Variants in MAPK6 observed in about 807,000 individuals in gnomAD.
MAPK6 encodes the protein mitogen-activated protein kinase 6.
A neutral mutation model predicts 59.3 loss-of-function variants in MAPK6; 19 were observed. That is an observed-to-expected ratio of 0.32 (90% CI 0.22 to 0.47). The LOEUF is 0.47. MAPK6 is among the 20% of genes least tolerant of loss of function. The probability of loss-of-function intolerance (pLI) is 1.00; values close to 1 mark genes in which losing one functional copy is unlikely to be tolerated. For synonymous variants in MAPK6, 316 were observed against 290.3 expected, an observed-to-expected ratio of 1.09 and a Z score of -0.90; for missense variants, 724 against 847.9, an observed-to-expected ratio of 0.85 and a Z score of 1.81.
Position 52,046,494 on chromosome 15 carries a change from C to T in MAPK6, c.34C>T (p.His12Tyr). 1 of 1,608,934 alleles carries T rather than the reference C, an allele frequency of 6.2e-7. No individual in the cohort carries two copies. Among genetic ancestry groups the T allele is most frequent in the Non-Finnish European group, 8.5e-7 (1 of 1,178,430 alleles). The change falls in exon 2 of 6, where the codon CAT (histidine) becomes TAT (tyrosine). Residue 12 changes from histidine (H) to tyrosine (Y), a missense_variant. Physicochemically the swap from His to Tyr is moderately conservative, Grantham distance 83. This residue lies in a region of MAPK6 where 30 missense variants were observed against 55.3 expected (regional missense o/e 0.54). Transcript: ENST00000261845. Reference protein sequence around the residue: ...AEKFESLMNIHGFDLGSRYMD... With the variant: ...AEKFESLMNIYGFDLGSRYMD... The stretch of plus-strand genomic sequence containing the variant: ...GAAATTTGAAAGTCTCATGAACATT[C>T]ATGGTTTTGATCTGGGTTCTAGGTA...
chr15:52,041,737 A>G (rs1384672329), intron 1 of MAPK6, among the ~76,000 whole-genome samples: 1 of 152,148 alleles, frequency 6.6e-6, no homozygotes, highest in African/African-American at 2.4e-5. Context: ...TTTTCTTTCT[A>G]AGGTCACTAG....
At chr15:52,022,280 A>G (rs2030565804) in intron 1 of MAPK6, among the ~76,000 whole-genome samples, 1 of 152,182 alleles carries the variant, frequency 6.6e-6, no homozygotes, top group African/African-American at 2.4e-5. Flanking sequence ...TGTTTTTGTG[A>G]GACAGGGTCT....
At chr15:51,973,897 C>G (rs1358390856) in intron 1 of MAPK6, among the ~76,000 whole-genome samples, 2 of 151,812 alleles carry the variant, frequency 1.3e-5, no homozygotes, top group Non-Finnish European at 2.9e-5. Flanking sequence ...GGTGATCCAC[C>G]CGCCTTGGCC....
At chr15:52,009,001 GC>G (rs2029983458) in intron 3 of MAPK6, among the ~76,000 whole-genome samples, 2 of 152,180 alleles carry the variant, frequency 1.3e-5, no homozygotes, top group Non-Finnish European at 2.9e-5. Flanking sequence ...GACCTACTAA[GC>G]CTACCATATG....
intron 2 of MAPK6, among the ~76,000 whole-genome samples, chr15:51,984,802 T>G (rs1286425344): frequency 6.6e-6 from 1 of 152,044 alleles, no homozygotes; most frequent in African/African-American, 2.4e-5. Context: ...TGGGAAGAGA[T>G]CTACACAATC....
chr15:52,048,666 TG>T (rs1837226940), intron 2 of MAPK6, among the ~76,000 whole-genome samples: 1 of 151,886 alleles, frequency 6.6e-6, no homozygotes, highest in African/African-American at 2.4e-5. Context: ...CGGTGGCCCC[TG>T]CCTGTAATCT....
At chr15:51,972,340 T>C (rs1013972023) in intron 1 of MAPK6, among the ~76,000 whole-genome samples, 1 of 151,744 alleles carries the variant, frequency 6.6e-6, no homozygotes, top group Non-Finnish European at 1.5e-5. Context: ...GGTTTCACCG[T>C]GTTGCCCAGG....
chr15:51,994,964 A>G (rs1595960790), intron 2 of MAPK6, among the ~76,000 whole-genome samples: 2 of 152,358 alleles, frequency 1.3e-5, no homozygotes, highest in East Asian at 3.9e-4. Flanking sequence ...TCATTTCTGA[A>G]CATTGCTGAT....
chr15:52,059,246 G>A (rs961350855), intron 4 of MAPK6, among the ~76,000 whole-genome samples: 2 of 152,146 alleles, frequency 1.3e-5, no homozygotes, highest in Admixed American at 6.5e-5. Context: ...TGTAGCCACT[G>A]TCACAACATC....
At chr15:51,995,043 A>AT (rs2057220619) in intron 2 of MAPK6, among the ~76,000 whole-genome samples, 1 of 152,238 alleles carries the variant, frequency 6.6e-6, no homozygotes, top group African/African-American at 2.4e-5. Flanking sequence ...ATGATGGGGC[A>AT]TTTTCACAGT....
At chr15:52,005,140 C>T (rs2057254346) in intron 3 of MAPK6, among the ~76,000 whole-genome samples, 1 of 152,120 alleles carries the variant, frequency 6.6e-6, no homozygotes, top group Non-Finnish European at 1.5e-5. Context: ...AACAAAACCC[C>T]CCAAATAAGT....
upstream of MAPK6, chr15:52,017,534 T>C (rs1051519913): frequency 6.6e-6 from 1 of 152,546 alleles, no homozygotes; most frequent in Non-Finnish European, 1.5e-5. Flanking sequence ...GTCATCTGGA[T>C]GTATATGTGC....
intron 1 of MAPK6, among the ~76,000 whole-genome samples, chr15:52,024,901 TTAA>T (rs2030702936): frequency 1.4e-5 from 2 of 144,472 alleles, no homozygotes; most frequent in African/African-American, 2.7e-5. Context: ...TTTTTTTTTT[TTAA>T]GAATTGGAGT....
At chr15:52,061,150 G>A in intron 4 of MAPK6, 149 bp from the exon 5 acceptor site, 1 of 624,802 alleles carries the variant, frequency 1.6e-6, no homozygotes, top group Non-Finnish European at 2.9e-6. Flanking sequence ...GGACCTATTA[G>A]TACAATTAAG....
intron 1 of MAPK6, among the ~76,000 whole-genome samples, chr15:52,023,744 T>C (rs1016177126): frequency 2.0e-5 from 3 of 152,238 alleles, no homozygotes; most frequent in Admixed American, 1.3e-4. Context: ...CCCGAGTAGC[T>C]GGGACTACAG....
chr15:51,984,536 C>T (rs2057184875), intron 2 of MAPK6, among the ~76,000 whole-genome samples: 1 of 147,210 alleles, frequency 6.8e-6, no homozygotes, highest in Non-Finnish European at 1.5e-5. Flanking sequence ...ATCTCCTGAC[C>T]TCGTGATCCG....
intron 3 of MAPK6, among the ~76,000 whole-genome samples, chr15:52,051,292 C>T (rs1180373832): frequency 3.3e-5 from 5 of 151,972 alleles, no homozygotes; most frequent in South Asian, 2.1e-4. Context: ...CTCCTGACCT[C>T]GTGATCCACC....
chr15:52,005,444 T>C lies in MAPK6; in HGVS notation c.-632+1042T>C, dbSNP rs148332791. On this transcript the variant is annotated intron_variant, in intron 3 of 7. Coordinates refer to the MAPK6 transcript ENST00000691380. ...CAGGAGGCTGAGGCAGGAGAATTGCTTGAACTTGGGAGGTGGAGGTTGCAG... is the reference window on the plus strand; with the variant it reads ...CAGGAGGCTGAGGCAGGAGAATTGCCTGAACTTGGGAGGTGGAGGTTGCAG... Among the ~76,000 whole-genome samples the C allele has an allele frequency of 2.4e-4, 37 of 152,120 alleles. No individual in the cohort carries two copies. The East Asian group carries it at 5.2e-3, about 22-fold the overall frequency.
At chr15:51,998,524 CCTCT>C (rs1325306511) in intron 2 of MAPK6, among the ~76,000 whole-genome samples, 1 of 139,710 alleles carries the variant, frequency 7.2e-6, no homozygotes, top group Non-Finnish European at 1.5e-5. Context: ...TTTTTTCTCC[CCTCT>C]CTCTTTTTTT....
Sources: allele counts gnomAD v4.1 joint callset (sites outside exome capture counted in the v4.1 genomes callset), GRCh38; gene constraint gnomAD v4.1.1; regional missense constraint gnomAD v4.1.1; transcripts MANE v1.5; gene names NCBI Gene and HGNC (gene_info 2026-07-23, HGNC 2026-07-21).